RAPGEF2: variants seen among roughly 807,000 people sequenced by gnomAD.
RAPGEF2 encodes the protein Rap guanine nucleotide exchange factor 2, also known as PDZ domain containing guanine nucleotide exchange factor (GEF) 1.
In RAPGEF2, 54 loss-of-function variants were observed where a neutral mutation model predicts 186.7. The observed-to-expected ratio is 0.29, with a 90% CI of 0.23 to 0.36. The LOEUF (loss-of-function observed/expected upper bound fraction) is 0.36. Ranked by LOEUF, RAPGEF2 falls within the 10% of genes least tolerant of loss-of-function variation. RAPGEF2 has a pLI of 1.00. For synonymous variants in RAPGEF2, 712 were observed against 705.9 expected, an observed-to-expected ratio of 1.01 and a Z score of -0.14; for missense variants, 1,532 against 2,045.0, an observed-to-expected ratio of 0.75 and a Z score of 4.84.
intron 4 of RAPGEF2, among the ~76,000 whole-genome samples, chr4:159,232,332 T>G (rs1279110988): frequency 6.6e-6 from 1 of 152,254 alleles, no homozygotes; most frequent in Non-Finnish European, 1.5e-5. Context: ...ACTTTCTGTC[T>G]CTATGAATTT....
chr4:159,250,241 C>T (rs1335223382), intron 7 of RAPGEF2, among the ~76,000 whole-genome samples: 1 of 152,070 alleles, frequency 6.6e-6, no homozygotes, highest in Non-Finnish European at 1.5e-5. Flanking sequence ...GAGATGGGTG[C>T]ACCAGGATCT....
intron 19 of RAPGEF2, among the ~76,000 whole-genome samples, chr4:159,341,050 A>C (rs1370216197): frequency 2.6e-5 from 4 of 152,178 alleles, no homozygotes; most frequent in African/African-American, 4.8e-5. Context: ...CATAGGATCA[A>C]ATAGAGGGAA....
At chr4:159,288,038 C>G (rs553414124) in intron 7 of RAPGEF2, among the ~76,000 whole-genome samples, 1 of 152,176 alleles carries the variant, frequency 6.6e-6, no homozygotes, top group Non-Finnish European at 1.5e-5. Context: ...CTTGTTATGT[C>G]TGTTCCACAC....
intron 3 of RAPGEF2, among the ~76,000 whole-genome samples, chr4:159,207,574 T>TG (rs1256266637): frequency 6.6e-6 from 1 of 152,240 alleles, no homozygotes; most frequent in Non-Finnish European, 1.5e-5. Flanking sequence ...ACTGAATAAT[T>TG]ATTTGCATTT....
At chr4:159,259,900 C>G (rs965443523) in intron 7 of RAPGEF2, among the ~76,000 whole-genome samples, 1 of 152,028 alleles carries the variant, frequency 6.6e-6, no homozygotes, top group Admixed American at 6.6e-5. Context: ...CATCTTTAAT[C>G]CATTTCTAAG....
chr4:159,233,637 G>A (rs118062731), intron 4 of RAPGEF2, among the ~76,000 whole-genome samples: 2,493 of 152,050 alleles, frequency 0.016, 18 homozygotes, highest in Middle Eastern at 0.068. Flanking sequence ...GTGAGAAGGG[G>A]GTGAGGGATA....
intron 8 of RAPGEF2, among the ~76,000 whole-genome samples, chr4:159,313,369 C>A (rs1173128798): frequency 1.3e-5 from 2 of 152,132 alleles, no homozygotes; most frequent in Non-Finnish European, 2.9e-5. Context: ...AAAATTATTT[C>A]TCTTCACCTA....
At chr4:159,317,570 G>A (rs573434571) in intron 9 of RAPGEF2, among the ~76,000 whole-genome samples, 27 of 152,240 alleles carry the variant, frequency 1.8e-4, no homozygotes, top group East Asian at 1.3e-3. Flanking sequence ...CTGATATCGC[G>A]TGTTGATCTG....
At chr4:159,305,364 G>A (rs1763157620) in intron 8 of RAPGEF2, among the ~76,000 whole-genome samples, 1 of 151,962 alleles carries the variant, frequency 6.6e-6, no homozygotes, top group South Asian at 2.1e-4. Flanking sequence ...TCTTTTTCAT[G>A]ACAGCCATTC....
At chr4:159,179,863 AC>A (rs1746828766) in intron 1 of RAPGEF2, among the ~76,000 whole-genome samples, 1 of 152,106 alleles carries the variant, frequency 6.6e-6, no homozygotes, top group African/African-American at 2.4e-5. Flanking sequence ...GAAATCTCAT[AC>A]CACTTAGAGG....
chr4:159,306,320 T>C (rs1438434634), intron 8 of RAPGEF2, among the ~76,000 whole-genome samples: 1 of 152,114 alleles, frequency 6.6e-6, no homozygotes, highest in Non-Finnish European at 1.5e-5. Context: ...GTGTTTATTA[T>C]AGTTTTCCTT....
In RAPGEF2 at chr4:159,103,135, G is replaced by A. The variant is rs1737358409; in HGVS notation, c.-1028G>A. ...AGGAGGAGGAAGAGGCGGAGGAAGA[G>A]GAGGGGAATCGCCGCTTCCCAAACA... On this transcript the variant is annotated 5_prime_UTR_variant, in exon 1 of 30. Transcript: ENST00000691494. 6.6e-6 allele frequency: 1 copy of A among 152,166 alleles called. No homozygotes were observed. The highest frequency in any genetic ancestry group is 2.4e-5 in the African/African-American group (1 of 41,416). 9.4% of individuals were successfully genotyped at this position (152,166 alleles called of 1,614,324 possible). A position where few individuals can be genotyped will look rare whatever the true frequency, so the allele number is the denominator to read the frequency against.
In RAPGEF2 at chr4:159,214,904, C is replaced by T. The variant is rs140229103; in HGVS notation, c.281+4321C>T. ...GAGTTGTGGAGTCTTACTCTGTTGT[C>T]CAGGCTGGAGTGTAGTGGCACAATC... On this transcript the variant is annotated intron_variant, in intron 4 of 29. Transcript: ENST00000691494. 4.9e-3 allele frequency among the ~76,000 whole-genome samples: 739 copies of T among 152,222 alleles called. 4 individuals are homozygous for T. Among genetic ancestry groups the T allele is most frequent in the African/African-American group, 0.017 (703 of 41,530 alleles).
Position 159,219,397 on chromosome 4 carries a change from T to C in RAPGEF2, c.281+8814T>C, listed in dbSNP as rs188295488. On this transcript the variant is annotated intron_variant, in intron 4 of 29. Transcript: ENST00000691494. ...TTGAGACGGAGTCTTGCTCTGTTGC[T>C]CAGGCTGGAGTGCAGTGGTGCGATC... 7.1e-3 allele frequency among the ~76,000 whole-genome samples: 920 copies of C among 129,656 alleles called. 4 individuals are homozygous for C. Among genetic ancestry groups the C allele is most frequent in the Non-Finnish European group, 8.0e-3 (512 of 64,062 alleles). The allele number at this position is 129,656 out of a possible 152,430, so 85.1% of individuals were successfully genotyped here.
At chr4:159,338,558 G>A in intron 18 of RAPGEF2, 90 bp downstream of exon 18, 1 of 1,315,180 alleles carries the variant, frequency 7.6e-7, no homozygotes, top group Non-Finnish European at 1.0e-6. Flanking sequence ...CTCTTCATTT[G>A]GCATGGATTA....
intron 11 of RAPGEF2, among the ~76,000 whole-genome samples, chr4:159,325,755 AGT>A (rs773622180): frequency 8.5e-5 from 13 of 152,166 alleles, no homozygotes; most frequent in Non-Finnish European, 1.5e-4. Flanking sequence ...AATATTACAG[AGT>A]GCTTAAGTCA....
At chr4:159,333,273 C>G (rs1379241608) in intron 17 of RAPGEF2, among the ~76,000 whole-genome samples, 3 of 152,144 alleles carry the variant, frequency 2.0e-5, no homozygotes, top group Non-Finnish European at 4.4e-5. Flanking sequence ...CCACTGCACC[C>G]AGCCGCAGGT....
At chr4:159,332,935 T>A (rs868613525) in intron 17 of RAPGEF2, 7 of 307,972 alleles carry the variant, frequency 2.3e-5, no homozygotes, top group Non-Finnish European at 4.1e-5. Context: ...AACTATTTTT[T>A]GGGGGTTTGG....
At chr4:159,120,212 G>T (rs1739505847) in intron 1 of RAPGEF2, among the ~76,000 whole-genome samples, 2 of 152,226 alleles carry the variant, frequency 1.3e-5, no homozygotes, top group South Asian at 4.1e-4. Flanking sequence ...TAGAGACAGG[G>T]TTTCGCCATG....
Sources: gnomAD v4.1 joint callset for allele counts (sites outside exome capture counted in the v4.1 genomes callset) on GRCh38, gnomAD v4.1.1 for gene constraint, MANE v1.5 for transcripts, NCBI Gene and HGNC (gene_info 2026-07-23, HGNC 2026-07-21) for gene names.